DIAPH2: variants seen among roughly 807,000 people sequenced by gnomAD.
DIAPH2 encodes the protein diaphanous related formin 2, also known as protein diaphanous homolog 2.
Under a neutral mutation model 92.7 loss-of-function variants are expected in DIAPH2, and 35 were observed. The ratio of observed to expected loss-of-function variants is 0.38; its 90% CI spans 0.29 to 0.50. The LOEUF is 0.50. DIAPH2 is among the 20% of genes least tolerant of loss of function. The pLI is 0.94. For missense variants in DIAPH2, 701 were observed against 819.5 expected, an observed-to-expected ratio of 0.86 and a Z score of 1.77; for synonymous variants, 301 against 280.4, an observed-to-expected ratio of 1.07 and a Z score of -0.73.
At chrX:96,750,844 A>G (rs2064182295) in intron 3 of DIAPH2, among the ~76,000 whole-genome samples, 1 of 112,739 alleles carries the variant, frequency 8.9e-6, no homozygotes, top group Non-Finnish European at 1.9e-5. Flanking sequence ...GTATTTGCTG[A>G]CAAAGAAATG....
chrX:97,176,777 T>G (rs1007682441), intron 22 of DIAPH2, among the ~76,000 whole-genome samples: 12 of 111,596 alleles, frequency 1.1e-4, no homozygotes, highest in Non-Finnish European at 2.1e-4. Flanking sequence ...TCCGCCTGCC[T>G]CGGCCTCCCA....
At chrX:96,927,443 G>T (rs182507665) in intron 9 of DIAPH2, among the ~76,000 whole-genome samples, 7 of 109,727 alleles carry the variant, frequency 6.4e-5, no homozygotes, top group Admixed American at 2.9e-4. Flanking sequence ...TGAAGTGAAG[G>T]TTTCAGAGAT....
chrX:97,272,926 C>T (rs1395943256), intron 23 of DIAPH2, among the ~76,000 whole-genome samples: 1 of 111,777 alleles, frequency 8.9e-6, no homozygotes, highest in Non-Finnish European at 1.9e-5. Context: ...GAGGCCGAGG[C>T]AGGCAGATCA....
At chrX:96,913,617 C>A (rs1052216264) in intron 7 of DIAPH2, among the ~76,000 whole-genome samples, 10 of 110,924 alleles carry the variant, frequency 9.0e-5, no homozygotes, top group African/African-American at 2.9e-4. Flanking sequence ...AATTTCTGTT[C>A]TATTGAAAAG....
In DIAPH2 at chrX:97,185,381, G is replaced by GTGTGTA. The variant is rs2067579732; in HGVS notation, c.2719+43588_2719+43589insGTGTAT. Among the ~76,000 whole-genome samples, 13 of 27,891 alleles carry GTGTGTA rather than the reference G, an allele frequency of 4.7e-4. 1 individual carries two copies. Among genetic ancestry groups the GTGTGTA allele is most frequent in the Non-Finnish European group, 5.9e-4 (11 of 18,754 alleles). 24.2% of individuals were successfully genotyped at this position (27,891 alleles called of 115,157 possible). A position where few individuals can be genotyped will look rare whatever the true frequency, so the allele number is the denominator to read the frequency against. On this transcript the variant is annotated intron_variant, in intron 22 of 26. Transcript: ENST00000324765. ...TGTATATATATATGTATATATATAT[G>GTGTGTA]TATATATATATGTGTATATATATAT...
At chrX:97,107,379 AT>A (rs1247853059) in intron 20 of DIAPH2, among the ~76,000 whole-genome samples, 1 of 111,301 alleles carries the variant, frequency 9.0e-6, no homozygotes, top group African/African-American at 3.3e-5. Flanking sequence ...ATGTACGAAC[AT>A]TTGGCATTGA....
intron 3 of DIAPH2, among the ~76,000 whole-genome samples, chrX:96,740,978 TACGAGTAAATTGAAGCATTCAGAAGAGA>T (rs2064115581): frequency 9.0e-6 from 1 of 110,817 alleles, no homozygotes; most frequent in African/African-American, 3.3e-5. Flanking sequence ...CTGCTTAATT[TACGAGTAAATTGAAGCATTCAGAAGAGA>T]ACTTCCACAG....
intron 17 of DIAPH2, among the ~76,000 whole-genome samples, chrX:96,980,039 C>G (rs1200991605): frequency 9.0e-6 from 1 of 110,808 alleles, no homozygotes; most frequent in Admixed American, 9.6e-5. Context: ...TACCCACAAC[C>G]CCCGAAGCCC....
At chrX:97,572,055 G>A (rs1381468325) in intron 26 of DIAPH2, among the ~76,000 whole-genome samples, 1 of 104,029 alleles carries the variant, frequency 9.6e-6, no homozygotes, top group African/African-American at 3.4e-5. Flanking sequence ...CTTGAAGCAG[G>A]AACTTGTGCT....
At chrX:96,887,109 T>A (rs1225957109) in intron 5 of DIAPH2, among the ~76,000 whole-genome samples, 3 of 111,174 alleles carry the variant, frequency 2.7e-5, no homozygotes, top group Admixed American at 1.9e-4. Context: ...AATGGAATCG[T>A]GTGCTTTAGT....
chrX:96,945,771 G>T (rs1400823530), intron 14 of DIAPH2, among the ~76,000 whole-genome samples, 180 bp downstream of exon 14: 2 of 111,408 alleles, frequency 1.8e-5, no homozygotes, highest in Non-Finnish European at 3.8e-5. Context: ...GGTTGCTATT[G>T]TTCCCTCATC....
chrX:97,264,607 T>G (rs199980331), intron 23 of DIAPH2, among the ~76,000 whole-genome samples: 1 of 112,564 alleles, frequency 8.9e-6, no homozygotes, highest in Non-Finnish European at 1.9e-5. Flanking sequence ...AGAAAAGTTA[T>G]GTGGCATCAA....
In DIAPH2 at chrX:96,749,145, AATAT is replaced by A. The variant is rs56745873; in HGVS notation, c.343-8990_343-8987del. 5.6e-3 allele frequency among the ~76,000 whole-genome samples: 443 copies of A among 79,730 alleles called. 26 individuals are homozygous for A. The highest frequency in any genetic ancestry group is 0.035 in the Middle Eastern group (4 of 114). 69.2% of individuals were successfully genotyped at this position (79,730 alleles called of 115,157 possible). ...CCCCATCAGAAAAAAAAAAAAAAAA[AATAT>A]ATATATATATATATATATGTTTGAG... On this transcript the variant is annotated intron_variant, in intron 3 of 26. Coordinates refer to ENST00000324765, the MANE Select transcript of DIAPH2 (RefSeq NM_006729.5).
chrX:97,157,528 C>T (rs2067333260), intron 22 of DIAPH2, among the ~76,000 whole-genome samples: 1 of 110,509 alleles, frequency 9.0e-6, no homozygotes, highest in Non-Finnish European at 1.9e-5. Context: ...CAAAGCACAT[C>T]TCCCCATATA....
chrX:96,810,364 T>G (rs1239825054), intron 4 of DIAPH2, among the ~76,000 whole-genome samples: 2 of 112,085 alleles, frequency 1.8e-5, no homozygotes, highest in Non-Finnish European at 1.9e-5. Context: ...TTGATGGGGT[T>G]GTTTGTTTTT....
intron 23 of DIAPH2, among the ~76,000 whole-genome samples, chrX:97,304,268 C>T (rs2147631208): frequency 8.9e-6 from 1 of 112,030 alleles, no homozygotes; most frequent in Admixed American, 9.5e-5. Flanking sequence ...TAAACACTGT[C>T]CAAGCATTGT....
At position 97,403,608 on chromosome X, in the gene DIAPH2, G is replaced by A. The variant is rs138255388; in HGVS notation, c.3145+19564G>A. 6.2e-3 allele frequency among the ~76,000 whole-genome samples: 696 copies of A among 111,768 alleles called. 2 individuals are homozygous for A. Among genetic ancestry groups the A allele is most frequent in the African/African-American group, 0.021 (650 of 30,770 alleles). On this transcript the variant is annotated intron_variant, in intron 25 of 26. Coordinates refer to ENST00000324765, the MANE Select transcript of DIAPH2 (RefSeq NM_006729.5). Reference sequence around the variant, plus strand: ...TATAAGTAATGTAATAGGACTTATAGCATTTCATTTTGCAGCATATCTTTG... The same window carrying A: ...TATAAGTAATGTAATAGGACTTATAACATTTCATTTTGCAGCATATCTTTG...
chrX:97,370,864 C>T (rs971866665), intron 24 of DIAPH2, among the ~76,000 whole-genome samples: 1 of 112,116 alleles, frequency 8.9e-6, no homozygotes, highest in Non-Finnish European at 1.9e-5. Context: ...GTTTCAATTA[C>T]AGTGTAATAG....
chrX:96,728,154 C>T (rs866087674), intron 1 of DIAPH2, among the ~76,000 whole-genome samples: 2 of 110,379 alleles, frequency 1.8e-5, no homozygotes, highest in Admixed American at 9.5e-5. Context: ...TTGGGAGAAG[C>T]GACATACCTG....
Sources: allele counts gnomAD v4.1 joint callset (sites outside exome capture counted in the v4.1 genomes callset), GRCh38; gene constraint gnomAD v4.1.1; transcripts MANE v1.5; gene names NCBI Gene and HGNC (gene_info 2026-07-23, HGNC 2026-07-21).